RFC1: variants seen among roughly 807,000 people sequenced by gnomAD.
RFC1 encodes the protein replication factor C subunit 1, also known as A1 140 kDa subunit.
In RFC1, 37 loss-of-function variants were observed where a neutral mutation model predicts 137.4. The ratio of observed to expected loss-of-function variants is 0.27; its 90% confidence interval spans 0.21 to 0.35. RFC1 has a LOEUF of 0.35. Among genes scored for constraint, RFC1 ranks in the 10% least tolerant of loss-of-function variants. RFC1 has a pLI of 1.00. For missense variants in RFC1, 1,205 were observed against 1,358.5 expected (o/e 0.89, Z 1.78); for synonymous variants, 429 against 455.7 (o/e 0.94, Z 0.75).
chr4:39,301,197 T>C (rs548017751), intron 19 of RFC1, among the ~76,000 whole-genome samples: 118 of 152,164 alleles, frequency 7.8e-4, no homozygotes, highest in African/African-American at 2.7e-3. Flanking sequence ...ACATACTACA[T>C]GATTCCAACT....
chr4:39,350,977 A>G (rs925310599), intron 2 of RFC1, among the ~76,000 whole-genome samples: 6 of 152,166 alleles, frequency 3.9e-5, no homozygotes, highest in Non-Finnish European at 8.8e-5. Context: ...AATGGCTGGC[A>G]CGGTGGCTCA....
chr4:39,332,292 T>C (rs1166914771), intron 4 of RFC1, among the ~76,000 whole-genome samples: 2 of 152,226 alleles, frequency 1.3e-5, no homozygotes, highest in African/African-American at 4.8e-5. Flanking sequence ...GTCAGTGCTT[T>C]AGTTTCTACC....
chr4:39,360,458 C>T (rs1185182676), intron 1 of RFC1, among the ~76,000 whole-genome samples: 2 of 151,394 alleles, frequency 1.3e-5, no homozygotes, highest in East Asian at 1.9e-4. Context: ...GAGCCAAGGT[C>T]GCGCCACTGC....
At chr4:39,327,136 G>C (rs1394513813) in intron 5 of RFC1, among the ~76,000 whole-genome samples, 3 of 152,068 alleles carry the variant, frequency 2.0e-5, no homozygotes, top group Non-Finnish European at 2.9e-5. Flanking sequence ...AAGTAGAGAA[G>C]GTCACAAGTG....
intron 23 of RFC1, among the ~76,000 whole-genome samples, chr4:39,291,019 A>T (rs17335556): frequency 6.6e-6 from 1 of 152,220 alleles, no homozygotes; most frequent in South Asian, 2.1e-4. Context: ...GAATTTACTG[A>T]TAACCATAAA....
chr4:39,345,711 G>A (rs548361201), intron 2 of RFC1, among the ~76,000 whole-genome samples: 5 of 152,102 alleles, frequency 3.3e-5, no homozygotes, highest in Non-Finnish European at 5.9e-5. Flanking sequence ...TAGTAGAGAC[G>A]GGGCTATCCT....
In RFC1 at chr4:39,364,005, C is replaced by T. The variant is rs115152810; in HGVS notation, c.3+2234G>A. 3.0e-3 allele frequency among the ~76,000 whole-genome samples: 450 copies of T among 149,926 alleles called. 1 individual carries two copies. The highest frequency in any genetic ancestry group is 0.01 in the African/African-American group (424 of 40,780). On this transcript the variant is annotated intron_variant, in intron 1 of 24. Transcript: ENST00000349703. ...CAGGGTGGAAGGATCGCTTGTACCC[C>T]GGAATTAGAGATGGCAGTGAGCTAT... is the stretch of plus-strand genomic sequence containing the variant.
At position 39,299,084 on chromosome 4, in the gene RFC1, C is replaced by T. The variant is rs180685801; in HGVS notation, c.2808+937G>A. ...ACCTGGCCCGCCCAGGGCAGAAAAC[C>T]GCTTAAAGGCATTCTTAAACCACAA... On this transcript the variant is annotated intron_variant, in intron 21 of 24. Transcript: ENST00000349703. Among the ~76,000 whole-genome samples, 518 of 152,334 alleles carry T rather than the reference C, an allele frequency of 3.4e-3. 3 individuals carry two copies. The highest frequency in any genetic ancestry group is 6.2e-3 in the Non-Finnish European group (420 of 68,028).
rs749592628 is a variant in RFC1 at position 39,320,568 on chromosome 4, C to T, written c.910G>A (p.Ala304Thr). ...GAAGAGACTTCTCCTATTTTGTCAG[C>T]TGATGACTTGGAATGTTGCTGAGAT... ...KESQQHSKSS[A>T]DKIGEVSSPK... The change falls in exon 9 of 25, where the codon GCT becomes ACT. Residue 304 changes from alanine to threonine, a missense_variant. Physicochemically the swap from Ala to Thr is moderately conservative, Grantham distance 58. Coordinates refer to ENST00000349703, the MANE Select transcript of RFC1 (RefSeq NM_002913.5). 7 of 1,613,714 alleles carry T rather than the reference C, an allele frequency of 4.3e-6. 1 individual carries two copies. In the South Asian group the frequency reaches 6.6e-5, roughly 15 times the overall value.
chr4:39,332,499 A>G (rs957217812), intron 4 of RFC1, among the ~76,000 whole-genome samples: 3 of 152,122 alleles, frequency 2.0e-5, no homozygotes, highest in South Asian at 2.1e-4. Context: ...CAATACATAG[A>G]CCCCATTTTC....
chr4:39,357,615 CT>C lies in RFC1; in HGVS notation c.4-6140del, dbSNP rs754761627. On this transcript the variant is annotated intron_variant, in intron 1 of 24. Transcript: ENST00000349703. ...TGGTTTTTATTCATCCAGGAGCTAACTTTTTTTTTTTTTTCCCTTGAGACAG... is the reference window on the plus strand; with the variant it reads ...TGGTTTTTATTCATCCAGGAGCTAACTTTTTTTTTTTTTCCCTTGAGACAG... 9.4e-3 allele frequency among the ~76,000 whole-genome samples: 1,350 copies of C among 144,016 alleles called. 16 individuals carry two copies. The highest frequency in any genetic ancestry group is 0.026 in the African/African-American group (1,019 of 39,588). The allele number at this position is 144,016 out of a possible 152,430, so 94.5% of individuals were successfully genotyped here.
intron 12 of RFC1, among the ~76,000 whole-genome samples, chr4:39,310,704 CT>C (rs1321967581): frequency 3.3e-5 from 5 of 152,170 alleles, no homozygotes; most frequent in African/African-American, 1.2e-4. Context: ...AACATTTTTC[CT>C]TTTGCAAAAG....
intron 4 of RFC1, among the ~76,000 whole-genome samples, chr4:39,340,641 C>A (rs897066125): frequency 3.3e-5 from 5 of 152,062 alleles, no homozygotes; most frequent in African/African-American, 4.8e-5. Context: ...GAAACTCTTA[C>A]ATTTGTGATT....
chr4:39,299,449 T>C (rs796742114), intron 21 of RFC1, among the ~76,000 whole-genome samples: 2 of 151,636 alleles, frequency 1.3e-5, no homozygotes, highest in African/African-American at 4.8e-5. Flanking sequence ...CTGTCGCTAC[T>C]AAAAATACAA....
chr4:39,298,955 A>G (rs1299484892), intron 21 of RFC1, among the ~76,000 whole-genome samples: 1 of 152,184 alleles, frequency 6.6e-6, no homozygotes, highest in Non-Finnish European at 1.5e-5. Context: ...AGGCCCCCCA[A>G]AATCTGGCCA....
chr4:39,349,861 G>A (rs866504705), intron 2 of RFC1, among the ~76,000 whole-genome samples: 8 of 152,178 alleles, frequency 5.3e-5, no homozygotes, highest in South Asian at 4.1e-4. Flanking sequence ...AAAATTAGCC[G>A]GGCATGGGGG....
chr4:39,327,868 A>T (rs17334888), intron 4 of RFC1, 112 bp from the exon 5 acceptor site: 1 of 809,016 alleles, frequency 1.2e-6, no homozygotes, highest in East Asian at 2.7e-5. Context: ...ATGGTGGCTC[A>T]TGCTTGTAAT....
chr4:39,303,230 T>A (rs2109612888), intron 15 of RFC1, 79 bp from the exon 16 acceptor site: 1 of 901,230 alleles, frequency 1.1e-6, no homozygotes, highest in East Asian at 2.4e-5. Context: ...TGTAGAAAAT[T>A]ATGTAACAGA....
rs17334888 is a variant in RFC1 at position 39,327,868 on chromosome 4, A to C, written c.332-112T>G. 4.1e-3 allele frequency: 3,311 copies of C among 809,010 alleles called. 72 individuals carry two copies. The African/African-American group carries it at 0.051, about 12-fold the overall frequency. The allele number at this position is 809,010 out of a possible 1,614,324, so 50.1% of individuals were successfully genotyped here. A position where few individuals can be genotyped will look rare whatever the true frequency, so the allele number is the denominator to read the frequency against. ...TACAAGAGGCTAGACATGGTGGCTC[A>C]TGCTTGTAATCCCAGCACTTTTGGA... On this transcript the variant is annotated intron_variant, in intron 4 of 24. Transcript: ENST00000349703.
Sources: allele counts gnomAD v4.1 joint callset (sites outside exome capture counted in the v4.1 genomes callset), GRCh38; gene constraint gnomAD v4.1.1; transcripts MANE v1.5; gene names NCBI Gene and HGNC (gene_info 2026-07-23, HGNC 2026-07-21).